Variants in NFASC observed in about 807,000 individuals in gnomAD.
NFASC encodes the protein neurofascin.
A neutral mutation model predicts 147.5 loss-of-function variants in NFASC; 43 were observed. That is an observed-to-expected ratio of 0.29 (90% CI 0.23 to 0.38). The LOEUF is 0.38. Ranked by LOEUF, NFASC falls within the 10% of genes least tolerant of loss-of-function variation. The pLI is 1.00. For missense variants in NFASC, 1,320 were observed against 1,689.0 expected, an observed-to-expected ratio of 0.78 and a Z score of 3.83; for synonymous variants, 622 against 665.5, an observed-to-expected ratio of 0.93 and a Z score of 1.01.
intron 1 of NFASC, among the ~76,000 whole-genome samples, chr1:204,853,732 G>A (rs1024681461): frequency 6.6e-6 from 1 of 152,330 alleles, no homozygotes; most frequent in Non-Finnish European, 1.5e-5. Context: ...CTCTTGGCTT[G>A]TCCCACTTGG....
intron 2 of NFASC, among the ~76,000 whole-genome samples, chr1:204,940,219 G>A (rs559126978): frequency 1.3e-5 from 2 of 152,300 alleles, no homozygotes; most frequent in South Asian, 4.1e-4. Context: ...TTGGGAGGCC[G>A]AGCTGGGTGG....
At chr1:204,962,907 A>G (rs891273566) in intron 8 of NFASC, among the ~76,000 whole-genome samples, 1 of 152,170 alleles carries the variant, frequency 6.6e-6, no homozygotes, top group Non-Finnish European at 1.5e-5. Context: ...TTAATAGGGT[A>G]ATTGGCTATT....
Position 204,979,025 on chromosome 1 carries a change from G to A in NFASC, c.1934G>A (p.Arg645Gln), listed in dbSNP as rs1448561271. The A allele has an allele frequency of 6.4e-6, 10 of 1,565,082 alleles. No homozygotes were observed. The highest frequency in any genetic ancestry group is 5.5e-5 in the Admixed American group (3 of 54,222). The change falls in exon 18 of 30, where the codon CGG (arginine) becomes CAG (glutamine). Residue 645 changes from arginine to glutamine, a missense_variant. By Grantham distance (43) the Arg-to-Gln change is conservative (BLOSUM62 1). Coordinates refer to ENST00000339876, the MANE Select transcript of NFASC (RefSeq NM_001005388.3). The surrounding 1 kb of genome is among the most constrained non-coding windows in gnomAD (Gnocchi z 6.0). ...ELTDLAERSV[R>Q]LTWIPGDANN... ...ACCGACCTGGCCGAGAGGAGCGTGC[G>A]GCTGACCTGGATCCCCGGGGATGCT...
chr1:205,019,475 C>CCATTCATT lies in NFASC; in HGVS notation c.*2955_*2962dup, dbSNP rs10528066. 93,730 of 151,248 alleles carry CCATTCATT rather than the reference C, an allele frequency of 0.62. 30,200 individuals carry two copies. Among genetic ancestry groups the CCATTCATT allele is most frequent in the East Asian group, 0.74 (3,783 of 5,124 alleles). The allele number at this position is 151,248 out of a possible 1,614,324, so 9.4% of individuals were successfully genotyped here. A position where few individuals can be genotyped will look rare whatever the true frequency, so the allele number is the denominator to read the frequency against. ...TGTGGTTTCCTGTGCTCTCATTTGTCCATTCATTCATTCATTCATTCATTC... is the reference window on the plus strand; with the variant it reads ...TGTGGTTTCCTGTGCTCTCATTTGTCCATTCATTCATTCATTCATTCATTCATTCATTC... On this transcript the variant is annotated 3_prime_UTR_variant, in exon 30 of 30. Coordinates refer to ENST00000339876, the MANE Select transcript of NFASC (RefSeq NM_001005388.3).
intron 1 of NFASC, among the ~76,000 whole-genome samples, chr1:204,855,946 A>G (rs2076115049): frequency 6.6e-6 from 1 of 152,198 alleles, no homozygotes; most frequent in Non-Finnish European, 1.5e-5. Context: ...TGGACCTTTT[A>G]TATATGTTTC....
intron 8 of NFASC, chr1:204,967,964 T>TTAA: frequency 1.8e-5 from 5 of 271,922 alleles, no homozygotes; most frequent in South Asian, 1.6e-4. Flanking sequence ...AGACAGCCCC[T>TTAA]CCCCGTTCCA....
chr1:204,998,117 AG>A (rs1311839770), intron 25 of NFASC: 1 of 153,344 alleles, frequency 6.5e-6, no homozygotes, highest in African/African-American at 2.4e-5. Context: ...AATCGATCCC[AG>A]GGCTGGTACG....
intron 1 of NFASC, among the ~76,000 whole-genome samples, chr1:204,830,006 G>GGTGTGT (rs58294218): frequency 0.027 from 3,889 of 144,056 alleles, 102 homozygotes; most frequent in East Asian, 0.12. Context: ...TTTGGCATGG[G>GGTGTGT]GTGTGTGTGT....
intron 1 of NFASC, chr1:204,870,883 G>T (rs573800201): frequency 1.7e-6 from 2 of 1,200,106 alleles, no homozygotes; most frequent in Admixed American, 3.3e-5. Flanking sequence ...GGGCAGGGCT[G>T]CTGTGTTTTC....
chr1:204,838,226 A>G (rs184478285), intron 1 of NFASC, among the ~76,000 whole-genome samples: 1 of 152,350 alleles, frequency 6.6e-6, no homozygotes, highest in East Asian at 1.9e-4. Context: ...AATATGACTG[A>G]AGAATTGAAT....
chr1:204,918,479 G>C (rs2089770443), intron 1 of NFASC, among the ~76,000 whole-genome samples: 1 of 152,056 alleles, frequency 6.6e-6, no homozygotes, highest in Non-Finnish European at 1.5e-5. Context: ...ATAAGGATAT[G>C]CAGTCAAATT....
chr1:204,979,275 TC>T lies in NFASC; in HGVS notation c.1979-86del, dbSNP rs2095469744. 1 of 1,171,696 alleles carries T rather than the reference TC, an allele frequency of 8.5e-7. No homozygotes were observed. Among genetic ancestry groups the T allele is most frequent in the Non-Finnish European group, 1.3e-6 (1 of 779,354 alleles). The allele number at this position is 1,171,696 out of a possible 1,614,324, so 72.6% of individuals were successfully genotyped here. A position where few individuals can be genotyped will look rare whatever the true frequency, so the allele number is the denominator to read the frequency against. ...CTTTGTGTGAGAGAGATTATAAAGATCAATGGAAGCCAAGAAGGAAGTGCTT... is the reference window on the plus strand; with the variant it reads ...CTTTGTGTGAGAGAGATTATAAAGATAATGGAAGCCAAGAAGGAAGTGCTT... On this transcript the variant is annotated intron_variant, in intron 18 of 29. Transcript: ENST00000339876. The surrounding 1 kb of genome is among the most constrained non-coding windows in gnomAD (Gnocchi z 6.0).
chr1:204,892,491 G>T (rs1330240766), intron 1 of NFASC, among the ~76,000 whole-genome samples: 1 of 152,232 alleles, frequency 6.6e-6, no homozygotes, highest in East Asian at 1.9e-4. Context: ...GATGATCTCA[G>T]ATGGCCTCAC....
At chr1:204,929,175 C>T (rs542116102) in intron 2 of NFASC, among the ~76,000 whole-genome samples, 2 of 152,160 alleles carry the variant, frequency 1.3e-5, no homozygotes, top group East Asian at 3.9e-4. Flanking sequence ...CCCCCTGACC[C>T]ATGTGAACTT....
chr1:204,928,662 G>A (rs1295321225), intron 2 of NFASC, among the ~76,000 whole-genome samples: 1 of 152,220 alleles, frequency 6.6e-6, no homozygotes, highest in African/African-American at 2.4e-5. Flanking sequence ...ACAAGTGGAT[G>A]GTTAAAAGAT....
chr1:204,844,804 A>T (rs1316333447), intron 1 of NFASC, among the ~76,000 whole-genome samples: 1 of 152,150 alleles, frequency 6.6e-6, no homozygotes, highest in Non-Finnish European at 1.5e-5. Flanking sequence ...CTACAGACTG[A>T]GAGTTTTTAA....
At chr1:204,860,213 A>G (rs781046871) in intron 1 of NFASC, among the ~76,000 whole-genome samples, 1 of 152,220 alleles carries the variant, frequency 6.6e-6, no homozygotes, top group Non-Finnish European at 1.5e-5. Flanking sequence ...TAGAGTCACC[A>G]AGAAAACTAG....
chr1:204,933,475 G>A (rs2092549660), intron 2 of NFASC, among the ~76,000 whole-genome samples: 1 of 152,160 alleles, frequency 6.6e-6, no homozygotes, highest in Non-Finnish European at 1.5e-5. Context: ...TGACCCCAAT[G>A]GAGACACTGA....
intron 2 of NFASC, among the ~76,000 whole-genome samples, chr1:204,936,198 C>CTTT (rs749844237): frequency 0.43 from 30,625 of 70,992 alleles, 5,631 homozygotes; most frequent in South Asian, 0.53. Flanking sequence ...CTCTCTCTTT[C>CTTT]TTTTTCTTTT....
Sources: allele counts gnomAD v4.1 joint callset (sites outside exome capture counted in the v4.1 genomes callset), GRCh38; gene constraint gnomAD v4.1.1; non-coding constraint Gnocchi (gnomAD v3.1); transcripts MANE v1.5; gene names NCBI Gene and HGNC (gene_info 2026-07-23, HGNC 2026-07-21).